The following TSC22D2 variants were observed in gnomAD, a reference collection of about 807,000 sequenced individuals.
TSC22D2 encodes the protein TSC22 domain family member 2, also known as TSC22 domain family protein 2.
In TSC22D2, 5 loss-of-function variants were observed where a neutral mutation model predicts 50.1. The observed-to-expected ratio is 0.10, with a 90% CI of 0.05 to 0.21. The LOEUF is 0.21. TSC22D2 is among the 10% of genes least tolerant of loss of function. The pLI is 1.00. For synonymous variants in TSC22D2, 501 were observed against 450.1 expected (o/e 1.11, Z -1.43); for missense variants, 1,003 against 1,015.5 (o/e 0.99, Z 0.17).
chr3:150,432,033 C>T (rs1297183701), intron 1 of TSC22D2, among the ~76,000 whole-genome samples: 8 of 152,106 alleles, frequency 5.3e-5, no homozygotes, highest in Non-Finnish European at 1.0e-4. Context: ...TTGTCTGCTG[C>T]GAGATTTTTA....
chr3:150,458,742 T>C lies in TSC22D2; in HGVS notation c.*106T>C. ...AAAGCAAGTAGCCATGCTTTGGTTGTGTGTTTGGCCTTTTCAGTATTAGAC... is the reference window on the plus strand; with the variant it reads ...AAAGCAAGTAGCCATGCTTTGGTTGCGTGTTTGGCCTTTTCAGTATTAGAC... On this transcript the variant is annotated 3_prime_UTR_variant, in exon 3 of 3. Transcript: ENST00000688009. 6.9e-7 allele frequency: 1 copy of C among 1,446,310 alleles called. No individual in the cohort carries two copies. The highest frequency in any genetic ancestry group is 9.4e-7 in the Non-Finnish European group (1 of 1,068,184). 89.6% of individuals were successfully genotyped at this position (1,446,310 alleles called of 1,614,324 possible).
chr3:150,411,192 T>C lies in TSC22D2; in HGVS notation c.1842T>C (p.Pro614=). 6.2e-7 allele frequency: 1 copy of C among 1,614,172 alleles called. No individual in the cohort carries two copies. The change falls in exon 1 of 3, where the codon CCT becomes CCC. Residue 614 remains proline (P), a synonymous_variant. Coordinates refer to ENST00000688009, the MANE Select transcript of TSC22D2 (RefSeq NM_001303264.2). ...PPLSLIAENK[P]VVKPPVADSL... ...TTTCTCTCATTGCTGAAAATAAGCC[T>C]GTTGTGAAGCCGCCTGTTGCAGATT...
At chr3:150,411,348 T>C (rs1215745307) in intron 1 of TSC22D2, 40 bp downstream of exon 1, 1 of 1,547,122 alleles carries the variant, frequency 6.5e-7, no homozygotes, top group Non-Finnish European at 8.7e-7. Context: ...TAGAAATGCT[T>C]GGCCAACATT....
At chr3:150,440,300 A>G (rs1024441541) in intron 1 of TSC22D2, among the ~76,000 whole-genome samples, 1 of 152,172 alleles carries the variant, frequency 6.6e-6, no homozygotes, top group Admixed American at 6.6e-5. Flanking sequence ...TTAAGTAGCA[A>G]TGGGTCATCC....
chr3:150,443,886 T>G (rs896663697), intron 1 of TSC22D2, among the ~76,000 whole-genome samples: 8 of 152,206 alleles, frequency 5.3e-5, no homozygotes, highest in African/African-American at 1.7e-4. Flanking sequence ...TATCTTAAGA[T>G]CATTAAGTTT....
rs769321521 is a variant in TSC22D2 at position 150,411,335 on chromosome 3, T to C, written c.1958+27T>C. On this transcript the variant is annotated intron_variant, in intron 1 of 2. Transcript: ENST00000688009. Reference sequence around the variant, plus strand: ...TATGGAAATCTCTATTTTAAATATTTGATAGAAATGCTTGGCCAACATTGT... The same window carrying C: ...TATGGAAATCTCTATTTTAAATATTCGATAGAAATGCTTGGCCAACATTGT... 21 of 1,563,940 alleles carry C rather than the reference T, an allele frequency of 1.3e-5. No individual in the cohort carries two copies. In the Admixed American group the frequency reaches 3.7e-4, roughly 28 times the overall value.
At chr3:150,439,516 C>CT (rs1347308313) in intron 1 of TSC22D2, among the ~76,000 whole-genome samples, 1 of 152,088 alleles carries the variant, frequency 6.6e-6, no homozygotes, top group African/African-American at 2.4e-5. Flanking sequence ...ATCTACATAA[C>CT]TTTGATAATC....
Position 150,459,301 on chromosome 3 carries a change from G to A in TSC22D2, c.*665G>A, listed in dbSNP as rs1315562254. On this transcript the variant is annotated 3_prime_UTR_variant, in exon 3 of 3. Transcript: ENST00000688009. ...TCAGTAGTAAAGACCCAGCTTGAAT[G>A]TAAATTTTGTATAGTGTAAGTATGA... 6.6e-6 allele frequency: 1 copy of A among 152,616 alleles called. No homozygotes were observed. Among genetic ancestry groups the A allele is most frequent in the Non-Finnish European group, 1.5e-5 (1 of 68,034 alleles). 9.5% of individuals were successfully genotyped at this position (152,616 alleles called of 1,614,324 possible).
At chr3:150,422,036 T>G (rs893733057) in intron 1 of TSC22D2, among the ~76,000 whole-genome samples, 1 of 152,222 alleles carries the variant, frequency 6.6e-6, no homozygotes, top group African/African-American at 2.4e-5. Context: ...CTCTATGAGA[T>G]GGGAGTAATA....
intron 1 of TSC22D2, among the ~76,000 whole-genome samples, chr3:150,427,246 T>C (rs1270884892): frequency 6.6e-6 from 1 of 152,166 alleles, no homozygotes; most frequent in Admixed American, 6.6e-5. Context: ...CATTCATAAA[T>C]GTATAGCTCA....
intron 1 of TSC22D2, among the ~76,000 whole-genome samples, chr3:150,447,206 A>T (rs1007354545): frequency 1.4e-4 from 21 of 152,194 alleles, no homozygotes; most frequent in African/African-American, 4.1e-4. Context: ...TGCTTGAGAA[A>T]GAGGAGGCAA....
intron 1 of TSC22D2, among the ~76,000 whole-genome samples, chr3:150,446,051 G>A (rs1382521782): frequency 4.9e-5 from 7 of 142,384 alleles, no homozygotes; most frequent in Admixed American, 3.7e-4. Context: ...CTGAGATTGT[G>A]CCACTGCACT....
chr3:150,432,789 G>A (rs1720421840), intron 1 of TSC22D2, among the ~76,000 whole-genome samples: 1 of 151,976 alleles, frequency 6.6e-6, no homozygotes, highest in African/African-American at 2.4e-5. Flanking sequence ...GCAACCTTTT[G>A]GGAAGAAAGA....
At chr3:150,429,997 T>C (rs1161028035) in intron 1 of TSC22D2, among the ~76,000 whole-genome samples, 1 of 152,160 alleles carries the variant, frequency 6.6e-6, no homozygotes, top group African/African-American at 2.4e-5. Flanking sequence ...TATAATTAAA[T>C]ACTAGAAGAA....
intron 1 of TSC22D2, chr3:150,438,416 T>C (rs1224433087): frequency 1.1e-5 from 2 of 189,480 alleles, no homozygotes; most frequent in African/African-American, 4.6e-5. Flanking sequence ...GAGATGAATA[T>C]TTATGAACAA....
At position 150,458,994 on chromosome 3, in the gene TSC22D2, A is replaced by G. The variant is rs1220397262; in HGVS notation, c.*358A>G. 3 of 176,746 alleles carry G rather than the reference A, an allele frequency of 1.7e-5. No individual in the cohort carries two copies. Among genetic ancestry groups the G allele is most frequent in the Non-Finnish European group, 3.6e-5 (3 of 84,392 alleles). 10.9% of individuals were successfully genotyped at this position (176,746 alleles called of 1,614,324 possible). ...CCTGAGCCTTCCTATCACATTATAA[A>G]TAACAGTTCATCTAAAGAGCCACTT... On this transcript the variant is annotated 3_prime_UTR_variant, in exon 3 of 3. Transcript: ENST00000688009.
chr3:150,420,196 G>A (rs1480456901), intron 1 of TSC22D2, among the ~76,000 whole-genome samples: 1 of 152,038 alleles, frequency 6.6e-6, no homozygotes, highest in Non-Finnish European at 1.5e-5. Flanking sequence ...CTTTACAGAT[G>A]GCTCTTTTCC....
At chr3:150,431,117 C>T (rs142085499) in intron 1 of TSC22D2, among the ~76,000 whole-genome samples, 1,849 of 146,222 alleles carry the variant, frequency 0.013, 51 homozygotes, top group African/African-American at 0.045. Flanking sequence ...CCCAGCTACT[C>T]GGGAGGCTGA....
rs59588626 is a variant in TSC22D2, at chr3:150,462,639, C to CTTTTTTTTTTTTTTTTT, written c.*4018_*4019insTTTTTTTTTTTTTTTTT. ...TGCCTATTTTCTTTTTTTCTTTTTT[C>CTTTTTTTTTTTTTTTTT]TTTTTTTTTTTTTTTGAGACAGAGT... On this transcript the variant is annotated 3_prime_UTR_variant, in exon 3 of 3. Transcript: ENST00000688009. The CTTTTTTTTTTTTTTTTT allele has an allele frequency of 6.8e-5, 9 of 133,102 alleles. No homozygotes were observed. Among genetic ancestry groups the CTTTTTTTTTTTTTTTTT allele is most frequent in the South Asian group, 2.4e-4 (1 of 4,160 alleles). The allele number at this position is 133,102 out of a possible 1,614,324, so 8.2% of individuals were successfully genotyped here. A position where few individuals can be genotyped will look rare whatever the true frequency, so the allele number is the denominator to read the frequency against.
Sources: gnomAD v4.1 joint callset for allele counts (sites outside exome capture counted in the v4.1 genomes callset) on GRCh38, gnomAD v4.1.1 for gene constraint, MANE v1.5 for transcripts, NCBI Gene and HGNC (gene_info 2026-07-23, HGNC 2026-07-21) for gene names.